The following TRIM71 variants were observed in gnomAD, a reference collection of about 807,000 sequenced individuals.
TRIM71 encodes the protein tripartite motif containing 71.
Under a neutral mutation model 61.2 loss-of-function variants are expected in TRIM71, and 9 were observed. The observed-to-expected ratio is 0.15, with a 90% CI of 0.09 to 0.26. TRIM71 has a LOEUF of 0.26. Among genes scored for constraint, TRIM71 ranks in the 10% least tolerant of loss-of-function variants. The pLI is 1.00. For synonymous variants in TRIM71, 645 were observed against 553.2 expected, an observed-to-expected ratio of 1.17 and a Z score of -2.33; for missense variants, 998 against 1,238.7, an observed-to-expected ratio of 0.81 and a Z score of 2.92.
chr3:32,890,461 G>C lies in TRIM71; in HGVS notation c.1257G>C (p.Gln419His). 1.2e-6 allele frequency: 2 copies of C among 1,614,234 alleles called. No homozygotes were observed. The highest frequency in any genetic ancestry group is 2.2e-5 in the South Asian group (2 of 91,086). ...TTGAGAGCACCATCAGTGCCGTGCA[G>C]CAGGTCCTGGAGGAGGGTAGAGCGC... Reference protein sequence around the residue: ...NKLESTISAVQQVLEEGRALD... With the variant: ...NKLESTISAVHQVLEEGRALD... Residue 419 changes from glutamine (Q) to histidine (H), a missense_variant, in exon 4 of 4, where the codon CAG becomes CAC. Physicochemically the swap from Gln to His is conservative, Grantham distance 24. This residue lies in a region of TRIM71 where 291 missense variants were observed against 431.2 expected (regional missense o/e 0.67). Coordinates refer to ENST00000383763, the MANE Select transcript of TRIM71 (RefSeq NM_001039111.3). This position sits in a 1 kb window ranked among gnomAD's most constrained non-coding sequence, Gnocchi z 6.2.
chr3:32,844,696 G>T (rs1422170958), intron 1 of TRIM71, among the ~76,000 whole-genome samples: 4 of 152,076 alleles, frequency 2.6e-5, no homozygotes, highest in African/African-American at 4.8e-5. Context: ...CAGATGCCCT[G>T]GTGGGTTTAA....
chr3:32,840,621 T>G (rs1457966798), intron 1 of TRIM71, among the ~76,000 whole-genome samples: 3 of 152,194 alleles, frequency 2.0e-5, no homozygotes, highest in South Asian at 2.1e-4. Flanking sequence ...GTAGGCTTCC[T>G]TAGGGCCCCT....
chr3:32,888,604 G>A (rs752289281), intron 3 of TRIM71, among the ~76,000 whole-genome samples: 1 of 151,934 alleles, frequency 6.6e-6, no homozygotes, highest in East Asian at 1.9e-4. Context: ...GCAGTGGCAC[G>A]ATCTCGGCTC....
At chr3:32,851,814 A>G (rs1696541709) in intron 1 of TRIM71, among the ~76,000 whole-genome samples, 1 of 152,190 alleles carries the variant, frequency 6.6e-6, no homozygotes, top group Non-Finnish European at 1.5e-5. Context: ...GGGCAGTTCT[A>G]CTGTGTGACA....
intron 1 of TRIM71, among the ~76,000 whole-genome samples, chr3:32,847,358 C>A (rs1252067198): frequency 6.6e-6 from 1 of 151,984 alleles, no homozygotes; most frequent in Admixed American, 6.6e-5. Context: ...CACCATGTCC[C>A]GCTAATTTTG....
chr3:32,877,493 C>T (rs902270542), intron 2 of TRIM71, among the ~76,000 whole-genome samples: 1 of 151,862 alleles, frequency 6.6e-6, no homozygotes, highest in East Asian at 1.9e-4. Context: ...GTAGCTAGGA[C>T]TACAGGTATG....
Position 32,897,675 on chromosome 3 carries a change from C to G in TRIM71, c.*5864C>G, listed in dbSNP as rs1284506934. On this transcript the variant is annotated 3_prime_UTR_variant, in exon 4 of 4. Coordinates refer to ENST00000383763, the MANE Select transcript of TRIM71 (RefSeq NM_001039111.3). The stretch of plus-strand genomic sequence containing the variant: ...GGCTTCTGAATGTATCACTGTGGTC[C>G]ACAGAGAAGGCTGGAGGAGGTAGCA... 6.6e-6 allele frequency: 1 copy of G among 152,136 alleles called. No homozygotes were observed. The highest frequency in any genetic ancestry group is 2.4e-5 in the African/African-American group (1 of 41,418). The allele number at this position is 152,136 out of a possible 1,614,324, so 9.4% of individuals were successfully genotyped here.
intron 1 of TRIM71, among the ~76,000 whole-genome samples, chr3:32,849,402 A>G (rs1307712972): frequency 6.6e-6 from 1 of 151,560 alleles, no homozygotes; most frequent in Non-Finnish European, 1.5e-5. Context: ...TCTGTTACCC[A>G]GGCTGGAATG....
At chr3:32,865,110 A>G (rs1696717819) in intron 1 of TRIM71, among the ~76,000 whole-genome samples, 2 of 152,102 alleles carry the variant, frequency 1.3e-5, no homozygotes, top group African/African-American at 4.8e-5. Flanking sequence ...CAGTCGGATC[A>G]TGAGGTCAGG....
chr3:32,824,289 T>C (rs918849702), intron 1 of TRIM71, among the ~76,000 whole-genome samples: 1 of 151,938 alleles, frequency 6.6e-6, no homozygotes, highest in Non-Finnish European at 1.5e-5. Flanking sequence ...GTGATTCTCC[T>C]GCCTCAGCCT....
intron 1 of TRIM71, among the ~76,000 whole-genome samples, chr3:32,846,362 A>C (rs958057789): frequency 1.3e-5 from 2 of 152,240 alleles, no homozygotes; most frequent in Non-Finnish European, 2.9e-5. Context: ...GGCGTGAGCC[A>C]CTATGCCTGG....
intron 2 of TRIM71, among the ~76,000 whole-genome samples, chr3:32,883,975 G>GT (rs1353159644): frequency 6.6e-6 from 1 of 152,234 alleles, no homozygotes; most frequent in East Asian, 1.9e-4. Flanking sequence ...ATTCCAGGCT[G>GT]TGGATATCCT....
Position 32,895,326 on chromosome 3 carries a change from G to A in TRIM71, c.*3515G>A, listed in dbSNP as rs950097479. 8 of 152,174 alleles carry A rather than the reference G, an allele frequency of 5.3e-5. No homozygotes were observed. The highest frequency in any genetic ancestry group is 1.2e-4 in the Non-Finnish European group (8 of 68,038). 9.4% of individuals were successfully genotyped at this position (152,174 alleles called of 1,614,324 possible). A position where few individuals can be genotyped will look rare whatever the true frequency, so the allele number is the denominator to read the frequency against. ...GTACCATAAACCGAATCCAAATTAC[G>A]TGTTGGGCCAAAAATGTTGCCAGAA... On this transcript the variant is annotated 3_prime_UTR_variant, in exon 4 of 4. Transcript: ENST00000383763.
At chr3:32,877,404 A>C (rs541733447) in intron 2 of TRIM71, among the ~76,000 whole-genome samples, 3 of 145,408 alleles carry the variant, frequency 2.1e-5, no homozygotes, top group Non-Finnish European at 4.6e-5. Flanking sequence ...GCGCCTGGCC[A>C]TTTTTTTTTT....
intron 1 of TRIM71, among the ~76,000 whole-genome samples, chr3:32,840,557 C>T (rs942456220): frequency 3.9e-5 from 6 of 152,190 alleles, no homozygotes; most frequent in Non-Finnish European, 8.8e-5. Context: ...GTAATCTGTG[C>T]TGGAGACTTT....
rs535931324 is a variant in TRIM71 at position 32,874,698 on chromosome 3, A to G, written c.1020+713A>G. ...CCACCACGCCCGGCTAATTTTTTGT[A>G]TTTTTAGTAGAGATTGGGTTTCACC... is the stretch of plus-strand genomic sequence containing the variant. On this transcript the variant is annotated intron_variant, in intron 2 of 3. Coordinates refer to ENST00000383763, the MANE Select transcript of TRIM71 (RefSeq NM_001039111.3). 1.8e-4 allele frequency among the ~76,000 whole-genome samples: 27 copies of G among 147,398 alleles called. 1 individual carries two copies. In the South Asian group the frequency reaches 5.6e-3, roughly 31 times the overall value.
intron 2 of TRIM71, among the ~76,000 whole-genome samples, chr3:32,883,134 C>T (rs1696927384): frequency 6.6e-6 from 1 of 152,238 alleles, no homozygotes. Context: ...CTCTCGCTTT[C>T]TCTCTTTTTC....
At chr3:32,877,947 A>G (rs971031712) in intron 2 of TRIM71, among the ~76,000 whole-genome samples, 1 of 152,158 alleles carries the variant, frequency 6.6e-6, no homozygotes, top group African/African-American at 2.4e-5. Context: ...CTTTTATAGT[A>G]TCTCCAGTTT....
intron 2 of TRIM71, among the ~76,000 whole-genome samples, chr3:32,875,940 C>T (rs987510608): frequency 3.3e-5 from 5 of 152,192 alleles, no homozygotes; most frequent in Non-Finnish European, 7.3e-5. Context: ...CATTCCCATG[C>T]ATGATACTGA....
Sources: gnomAD v4.1 joint callset for allele counts (sites outside exome capture counted in the v4.1 genomes callset) on GRCh38, gnomAD v4.1.1 for gene constraint, gnomAD v4.1.1 regional missense constraint, Gnocchi (gnomAD v3.1) non-coding constraint, MANE v1.5 for transcripts, NCBI Gene and HGNC (gene_info 2026-07-23, HGNC 2026-07-21) for gene names.